The following CDH4 variants were observed in gnomAD, a reference collection of about 807,000 sequenced individuals.
CDH4 encodes the protein cadherin-4.
CDH4 carries 33 observed loss-of-function variants against 86.0 expected under a neutral mutation model. The observed-to-expected ratio is 0.38, with a 90% CI of 0.29 to 0.51. CDH4 has a LOEUF of 0.51. CDH4 is among the 20% of genes least tolerant of loss of function. CDH4 has a pLI of 0.86. For synonymous variants in CDH4, 555 were observed against 549.4 expected, an observed-to-expected ratio of 1.01 and a Z score of -0.14; for missense variants, 1,114 against 1,307.4, an observed-to-expected ratio of 0.85 and a Z score of 2.28.
At chr20:61,382,063 A>G (rs935154662) in intron 2 of CDH4, among the ~76,000 whole-genome samples, 1 of 149,476 alleles carries the variant, frequency 6.7e-6, no homozygotes, top group African/African-American at 2.5e-5. Flanking sequence ...AAAACAAGAA[A>G]AAAACTCCAT....
chr20:61,766,375 G>A (rs6121800), intron 3 of CDH4, among the ~76,000 whole-genome samples: 27,443 of 151,780 alleles, frequency 0.18, 2,580 homozygotes, highest in Non-Finnish European at 0.19. Flanking sequence ...GCCCCCCTTG[G>A]CCCAGCCTCC....
intron 2 of CDH4, among the ~76,000 whole-genome samples, chr20:61,689,987 A>T (rs1161979759): frequency 2.0e-5 from 3 of 146,584 alleles, no homozygotes. Context: ...TCAGGCTGGG[A>T]CGGTGGCTGG....
intron 2 of CDH4, among the ~76,000 whole-genome samples, chr20:61,360,764 G>A (rs1191024096): frequency 6.6e-6 from 1 of 152,180 alleles, no homozygotes; most frequent in Non-Finnish European, 1.5e-5. Context: ...AAACTGTAAA[G>A]AATCTGTCAA....
chr20:61,374,822 C>G (rs989431163), intron 2 of CDH4, among the ~76,000 whole-genome samples: 3 of 152,216 alleles, frequency 2.0e-5, no homozygotes, highest in Admixed American at 1.3e-4. Flanking sequence ...GTCCTCAAGT[C>G]TGATAAGAAA....
chr20:61,376,884 G>A (rs1004617384), intron 2 of CDH4, among the ~76,000 whole-genome samples: 3 of 152,194 alleles, frequency 2.0e-5, no homozygotes, highest in Non-Finnish European at 4.4e-5. Flanking sequence ...ACTTCCCTGT[G>A]GCAAATGCCC....
intron 2 of CDH4, among the ~76,000 whole-genome samples, chr20:61,288,826 A>G (rs1157469290): frequency 6.6e-6 from 1 of 152,062 alleles, no homozygotes; most frequent in Non-Finnish European, 1.5e-5. Context: ...TTTGGCTTTT[A>G]TCTGTGTTGG....
At chr20:61,814,860 C>A (rs969367694) in intron 4 of CDH4, among the ~76,000 whole-genome samples, 2 of 152,188 alleles carry the variant, frequency 1.3e-5, no homozygotes, top group African/African-American at 4.8e-5. Flanking sequence ...TCAGTCCTCT[C>A]TGATCCCTGC....
intron 3 of CDH4, among the ~76,000 whole-genome samples, chr20:61,756,248 T>C (rs1468451148): frequency 6.6e-6 from 1 of 151,442 alleles, no homozygotes; most frequent in African/African-American, 2.5e-5. Flanking sequence ...CTCTCAACCC[T>C]GGCCAGGGGC....
intron 2 of CDH4, among the ~76,000 whole-genome samples, chr20:61,579,948 A>T (rs897662285): frequency 1.7e-5 from 2 of 119,788 alleles, no homozygotes; most frequent in Admixed American, 7.8e-5. Flanking sequence ...TTCTGAATTT[A>T]AAAAAAAAAG....
chr20:61,626,633 C>T (rs990759689), intron 2 of CDH4, among the ~76,000 whole-genome samples: 24 of 152,178 alleles, frequency 1.6e-4, no homozygotes, highest in African/African-American at 4.8e-4. Flanking sequence ...TTTCCACGCC[C>T]GGGCTTAGCT....
chr20:61,355,979 G>A (rs563572023), intron 2 of CDH4, among the ~76,000 whole-genome samples: 9 of 152,336 alleles, frequency 5.9e-5, no homozygotes, highest in East Asian at 1.9e-4. Flanking sequence ...ATGGGGTTTC[G>A]GATGCATAAA....
Position 61,708,665 on chromosome 20 carries a change from C to T in CDH4, c.170-34898C>T, listed in dbSNP as rs1215453117. 6.6e-6 allele frequency among the ~76,000 whole-genome samples: 1 copy of T among 152,168 alleles called. No homozygotes were observed. Among genetic ancestry groups the T allele is most frequent in the African/African-American group, 2.4e-5 (1 of 41,448 alleles). ...CAGACGTTTGCACCCCACCCCTTCC[C>T]ATCCTTGGGGCTCAGAGAAATGCTG... is the stretch of plus-strand genomic sequence containing the variant. On this transcript the variant is annotated intron_variant, in intron 2 of 15. Transcript: ENST00000614565. The surrounding 1 kb of genome is among the most constrained non-coding windows in gnomAD (Gnocchi z 4.5).
intron 2 of CDH4, among the ~76,000 whole-genome samples, chr20:61,692,643 A>G (rs1004190787): frequency 6.6e-6 from 1 of 152,238 alleles, no homozygotes; most frequent in African/African-American, 2.4e-5. Context: ...GCAAATCCCC[A>G]GGCACGGAAG....
chr20:61,632,023 G>T (rs545366067), intron 2 of CDH4, among the ~76,000 whole-genome samples: 1 of 152,372 alleles, frequency 6.6e-6, no homozygotes, highest in South Asian at 2.1e-4. Context: ...GCAAGTGGCT[G>T]TCGGGATGAT....
intron 2 of CDH4, among the ~76,000 whole-genome samples, chr20:61,563,991 C>T (rs1427189981): frequency 6.6e-6 from 1 of 152,146 alleles, no homozygotes; most frequent in African/African-American, 2.4e-5. Context: ...ACTAATTCTG[C>T]CCTCTCCTTC....
intron 8 of CDH4, among the ~76,000 whole-genome samples, chr20:61,901,240 C>T (rs1985392283): frequency 6.7e-6 from 1 of 149,734 alleles, no homozygotes; most frequent in Non-Finnish European, 1.5e-5. Flanking sequence ...GGGGCAGGGG[C>T]AGGGGCAGGG....
chr20:61,384,032 C>T (rs553955277), intron 2 of CDH4, among the ~76,000 whole-genome samples: 9 of 152,012 alleles, frequency 5.9e-5, no homozygotes, highest in South Asian at 4.2e-4. Flanking sequence ...GCATTCAGCA[C>T]GGGAGAAAGA....
At chr20:61,640,383 C>A (rs2086992916) in intron 2 of CDH4, among the ~76,000 whole-genome samples, 1 of 152,210 alleles carries the variant, frequency 6.6e-6, no homozygotes, top group Non-Finnish European at 1.5e-5. Context: ...CACGTGCATA[C>A]ATGCGAATCT....
At chr20:61,761,760 G>A (rs1342342378) in intron 3 of CDH4, among the ~76,000 whole-genome samples, 2 of 152,164 alleles carry the variant, frequency 1.3e-5, no homozygotes, top group African/African-American at 2.4e-5. Context: ...CCTCAGCAGG[G>A]CTCCGGGACC....
Sources: gnomAD v4.1 joint callset for allele counts (sites outside exome capture counted in the v4.1 genomes callset) on GRCh38, gnomAD v4.1.1 for gene constraint, Gnocchi (gnomAD v3.1) non-coding constraint, MANE v1.5 for transcripts, NCBI Gene and HGNC (gene_info 2026-07-23, HGNC 2026-07-21) for gene names.